UGT1A10: variants seen among roughly 807,000 people sequenced by gnomAD.
UGT1A10 encodes UDP-glucuronosyltransferase 1A10.
In UGT1A10, 49 loss-of-function variants were observed where a neutral mutation model predicts 45.8. The ratio of observed to expected loss-of-function variants is 1.07; its 90% CI spans 0.85 to 1.36. The LOEUF (loss-of-function observed/expected upper bound fraction) is 1.36. Ranked by LOEUF, UGT1A10 falls within the 40% of genes most tolerant of loss-of-function variation. The pLI, the probability that UGT1A10 is intolerant of heterozygous loss-of-function variation, is 0.00. For synonymous variants in UGT1A10, 284 were observed against 249.7 expected (o/e 1.14, Z -1.29); for missense variants, 745 against 668.6 (o/e 1.11, Z -1.26).
intron 1 of UGT1A10, among the ~76,000 whole-genome samples, chr2:233,687,418 T>G (rs1231011370): frequency 6.6e-6 from 1 of 151,932 alleles, no homozygotes; most frequent in Non-Finnish European, 1.5e-5. Flanking sequence ...TATTGGAGGC[T>G]TACCGTGTAC....
chr2:233,732,874 G>A (rs1220552637), intron 1 of UGT1A10, among the ~76,000 whole-genome samples: 1 of 151,670 alleles, frequency 6.6e-6, no homozygotes, highest in Non-Finnish European at 1.5e-5. Context: ...GATGGGTTTG[G>A]CATTGAATCT....
chr2:233,761,186 T>C, intron 1 of UGT1A10: 1 of 1,614,212 alleles, frequency 6.2e-7, no homozygotes. Context: ...CATGCGTATA[T>C]TCTTTCAGAT....
chr2:233,713,749 C>G (rs1291086898), intron 1 of UGT1A10: 3 of 1,613,848 alleles, frequency 1.9e-6, no homozygotes, highest in South Asian at 2.2e-5. Context: ...AGCCATGCAT[C>G]TGTGTGGCTG....
At chr2:233,644,204 G>A (rs1306141420) in intron 1 of UGT1A10, among the ~76,000 whole-genome samples, 1 of 152,208 alleles carries the variant, frequency 6.6e-6, no homozygotes, top group East Asian at 1.9e-4. Flanking sequence ...GCCCTCGGTG[G>A]TGAGGTCTGT....
chr2:233,737,494 C>G (rs1180844627), intron 1 of UGT1A10, among the ~76,000 whole-genome samples: 1 of 152,208 alleles, frequency 6.6e-6, no homozygotes, highest in Admixed American at 6.5e-5. Context: ...AGGGAAATCC[C>G]TCACCCTCTT....
intron 1 of UGT1A10, among the ~76,000 whole-genome samples, chr2:233,751,432 G>T (rs1313513130): frequency 6.6e-6 from 1 of 152,164 alleles, no homozygotes; most frequent in Non-Finnish European, 1.5e-5. Flanking sequence ...GCTGAAATGA[G>T]TTAAGACTTT....
chr2:233,692,672 T>C (rs1295423428), intron 1 of UGT1A10, among the ~76,000 whole-genome samples: 1 of 152,104 alleles, frequency 6.6e-6, no homozygotes, highest in Non-Finnish European at 1.5e-5. Flanking sequence ...GGATAGAGAA[T>C]TGGCAGGGGG....
chr2:233,636,566 G>T lies in UGT1A10; in HGVS notation c.44G>T (p.Cys15Phe). 1 of 1,614,144 alleles carries T rather than the reference G, an allele frequency of 6.2e-7. No individual in the cohort carries two copies. Among genetic ancestry groups the T allele is most frequent in the Non-Finnish European group, 8.5e-7 (1 of 1,180,022 alleles). Residue 15 changes from cysteine (C) to phenylalanine (F), a missense_variant, in exon 1 of 5, where the codon TGT (cysteine) becomes TTT (phenylalanine). Coordinates refer to ENST00000344644, the MANE Select transcript of UGT1A10 (RefSeq NM_019075.4). The stretch of plus-strand genomic sequence containing the variant: ...ACCAGCCCCGTTCCTTTATGTGTGT[G>T]TCTACTGCTGACCTGTGGCTTTGCC... Reference protein sequence around the residue: ...GWTSPVPLCVCLLLTCGFAEA... With the variant: ...GWTSPVPLCVFLLLTCGFAEA...
At chr2:233,721,350 A>C (rs2076940105) in intron 1 of UGT1A10, among the ~76,000 whole-genome samples, 1 of 152,142 alleles carries the variant, frequency 6.6e-6, no homozygotes, top group Non-Finnish European at 1.5e-5. Context: ...TATATTCTTT[A>C]GACTGAACTG....
chr2:233,752,680 A>G (rs1695029756), intron 1 of UGT1A10: 1 of 152,192 alleles, frequency 6.6e-6, no homozygotes, highest in South Asian at 2.1e-4. Context: ...TGAGCCCAGA[A>G]ATTCATGTTT....
In UGT1A10 at chr2:233,636,962, T is replaced by C. The variant is rs779322656; in HGVS notation, c.440T>C (p.Leu147Pro). ...LKESSFDAVFLDPFDTCGLIV... is the reference protein window; with the variant it reads ...LKESSFDAVFPDPFDTCGLIV... Reference sequence around the variant, plus strand: ...GAGAGTTCTTTTGATGCAGTGTTTCTGGATCCTTTTGATACCTGTGGCTTA... The same window carrying C: ...GAGAGTTCTTTTGATGCAGTGTTTCCGGATCCTTTTGATACCTGTGGCTTA... The change falls in exon 1 of 5, where the codon CTG (leucine) becomes CCG (proline). Residue 147 changes from leucine (L) to proline (P), a missense_variant. Transcript: ENST00000344644. 3 of 1,614,214 alleles carry C rather than the reference T, an allele frequency of 1.9e-6. No homozygotes were observed. Among genetic ancestry groups the C allele is most frequent in the Non-Finnish European group, 2.5e-6 (3 of 1,180,042 alleles).
chr2:233,695,265 A>G (rs1276719886), intron 1 of UGT1A10, among the ~76,000 whole-genome samples: 2 of 151,894 alleles, frequency 1.3e-5, no homozygotes, highest in African/African-American at 4.8e-5. Context: ...AGCTGGGACT[A>G]TAGGCATGTG....
Position 233,682,599 on chromosome 2 carries a change from C to G in UGT1A10, c.855+45222C>G. On this transcript the variant is annotated intron_variant, in intron 1 of 4. Transcript: ENST00000344644. The stretch of plus-strand genomic sequence containing the variant: ...CACTTGGAGGAACATTTATTTTGCC[C>G]CTATTTTTTCAAAAATGTCTTAGAA... 4 of 1,613,876 alleles carry G rather than the reference C, an allele frequency of 2.5e-6. No homozygotes were observed. In the South Asian group the frequency reaches 4.4e-5, roughly 18 times the overall value.
In UGT1A10 at chr2:233,644,241, T is replaced by C. The variant is rs565055651; in HGVS notation, c.855+6864T>C. On this transcript the variant is annotated intron_variant, in intron 1 of 4. Coordinates refer to ENST00000344644, the MANE Select transcript of UGT1A10 (RefSeq NM_019075.4). ...GGCATTCAAGTTCAGACCTCTGAGATCAGCAATTTCCCTCAGCCTAGGGCT... is the reference window on the plus strand; with the variant it reads ...GGCATTCAAGTTCAGACCTCTGAGACCAGCAATTTCCCTCAGCCTAGGGCT... 1.6e-3 allele frequency among the ~76,000 whole-genome samples: 245 copies of C among 152,296 alleles called. 3 individuals are homozygous for C. The highest frequency in any genetic ancestry group is 5.7e-3 in the African/African-American group (236 of 41,568).
Position 233,663,292 on chromosome 2 carries a change from T to C in UGT1A10, c.855+25915T>C, listed in dbSNP as rs28970001. Reference sequence around the variant, plus strand: ...TGGTAGACCGGAGTTTTATTATTACTCAAATCAGTCTCCCCAAGCAATTTG... The same window carrying C: ...TGGTAGACCGGAGTTTTATTATTACCCAAATCAGTCTCCCCAAGCAATTTG... On this transcript the variant is annotated intron_variant, in intron 1 of 4. Coordinates refer to ENST00000344644, the MANE Select transcript of UGT1A10 (RefSeq NM_019075.4). 2.8e-3 allele frequency among the ~76,000 whole-genome samples: 426 copies of C among 152,352 alleles called. 3 individuals are homozygous for C. The highest frequency in any genetic ancestry group is 9.7e-3 in the African/African-American group (403 of 41,572).
At chr2:233,652,841 C>G (rs2073771876) in intron 1 of UGT1A10, among the ~76,000 whole-genome samples, 1 of 152,106 alleles carries the variant, frequency 6.6e-6, no homozygotes, top group Non-Finnish European at 1.5e-5. Flanking sequence ...AATAGAAAAG[C>G]TAGAAGTGTA....
chr2:233,647,403 A>G (rs1364249009), intron 1 of UGT1A10, among the ~76,000 whole-genome samples: 1 of 152,210 alleles, frequency 6.6e-6, no homozygotes, highest in East Asian at 1.9e-4. Flanking sequence ...GTCTCACAGA[A>G]TGAATTAGGG....
At chr2:233,684,762 T>A (rs1173403958) in intron 1 of UGT1A10, among the ~76,000 whole-genome samples, 1 of 152,128 alleles carries the variant, frequency 6.6e-6, no homozygotes, top group African/African-American at 2.4e-5. Flanking sequence ...AGAATTCAGA[T>A]CATAAAGAGT....
chr2:233,715,559 C>T (rs1347075985), intron 1 of UGT1A10, among the ~76,000 whole-genome samples: 1 of 152,016 alleles, frequency 6.6e-6, no homozygotes, highest in South Asian at 2.1e-4. Context: ...ATTGCTTGAG[C>T]CCAGGAGTCT....
Sources: gnomAD v4.1 joint callset for allele counts (sites outside exome capture counted in the v4.1 genomes callset) on GRCh38, gnomAD v4.1.1 for gene constraint, MANE v1.5 for transcripts, NCBI Gene and HGNC (gene_info 2026-07-23, HGNC 2026-07-21) for gene names.